ZNF273: variants seen among roughly 807,000 people sequenced by gnomAD.
ZNF273 encodes the protein zinc finger protein 9.
A neutral mutation model predicts 14.9 loss-of-function variants in ZNF273; 11 were observed. That is an observed-to-expected ratio of 0.74 (90% CI 0.46 to 1.22). ZNF273 has a LOEUF of 1.22. Among genes scored for constraint, ZNF273 ranks in the 50% most tolerant of loss-of-function variants. The pLI, the probability that ZNF273 is intolerant of heterozygous loss-of-function variation, is 0.00. For synonymous variants in ZNF273, 199 were observed against 223.9 expected (o/e 0.89, Z 0.99); for missense variants, 577 against 660.6 (o/e 0.87, Z 1.39).
upstream of ZNF273, among the ~76,000 whole-genome samples, chr7:64,901,011 T>TTA (rs1265395330): frequency 2.0e-5 from 3 of 152,008 alleles, no homozygotes; most frequent in East Asian, 1.9e-4. Context: ...TATTTATTTT[T>TTA]TTTTTTTTGT....
intron 3 of ZNF273, chr7:64,897,265 C>T (rs1024880662): frequency 1.3e-5 from 2 of 152,202 alleles, no homozygotes; most frequent in Non-Finnish European, 2.9e-5. Flanking sequence ...AGAACAACCA[C>T]TTCTCAGCAG....
intron 1 of ZNF273, among the ~76,000 whole-genome samples, chr7:64,916,671 G>T (rs1040242358): frequency 6.6e-6 from 1 of 152,114 alleles, no homozygotes; most frequent in Admixed American, 6.5e-5. Flanking sequence ...TTTTGCGAGG[G>T]GCAATATTGA....
At chr7:64,901,756 G>A (rs1272721500), upstream of ZNF273, among the ~76,000 whole-genome samples, 1 of 150,430 alleles carries the variant, frequency 6.6e-6, no homozygotes, top group East Asian at 2.0e-4. Context: ...TTCGAGACCA[G>A]CCTGACCAAC....
upstream of ZNF273, chr7:64,903,235 A>T: frequency 1.7e-6 from 2 of 1,151,228 alleles, no homozygotes. Flanking sequence ...ACGCAGCTGG[A>T]GCGGACAGGA....
Position 64,903,343 on chromosome 7 carries a change from C to T in ZNF273, c.26C>T (p.Pro9Leu), listed in dbSNP as rs1792861950. 2 of 1,613,356 alleles carry T rather than the reference C, an allele frequency of 1.2e-6. No individual in the cohort carries two copies. The highest frequency in any genetic ancestry group is 1.7e-6 in the Non-Finnish European group (2 of 1,179,462). Residue 9 changes from proline to leucine, a missense_variant, in exon 1 of 4, where the codon CCT (proline) becomes CTT (leucine). Pro to Leu is a moderately conservative substitution (Grantham distance 98, BLOSUM62 -3). This residue lies in a region of ZNF273 where 162 missense variants were observed against 203.5 expected (regional missense o/e 0.80). Coordinates refer to ENST00000476120, the MANE Select transcript of ZNF273 (RefSeq NM_021148.3). Reference protein sequence around the residue: MSSAPRGPPSVAPLPAGIG... With the variant: MSSAPRGPLSVAPLPAGIG... ...ATGTCCTCTGCTCCTAGAGGTCCAC[C>T]TTCTGTGGCCCCGTTACCTGCAGGT... is the stretch of plus-strand genomic sequence containing the variant.
downstream of ZNF273, among the ~76,000 whole-genome samples, chr7:64,883,214 A>AACCCCCCC (rs1554378895): frequency 1.6e-5 from 2 of 121,634 alleles, no homozygotes; most frequent in South Asian, 3.0e-4. Flanking sequence ...CCAAATCACC[A>AACCCCCCC]CCCCCCCCTC....
At chr7:64,883,211 A>ACCCCCCCCCCCCCCC (rs1234349552), downstream of ZNF273, among the ~76,000 whole-genome samples, 1 of 97,538 alleles carries the variant, frequency 1.0e-5, no homozygotes, top group Non-Finnish European at 2.2e-5. Context: ...AGCCCAAATC[A>ACCCCCCCCCCCCCCC]CCACCCCCCC....
upstream of ZNF273, chr7:64,903,258 T>C: frequency 7.1e-7 from 1 of 1,408,840 alleles, no homozygotes; most frequent in South Asian, 1.2e-5. Flanking sequence ...GCTTCCGGGA[T>C]TTGGCGGGGC....
intron 3 of ZNF273, among the ~76,000 whole-genome samples, chr7:64,921,152 C>A (rs182369072): frequency 3.9e-5 from 6 of 152,078 alleles, no homozygotes; most frequent in Admixed American, 6.5e-5. Flanking sequence ...GCAACCTCCA[C>A]TTCCTGGGTT....
At chr7:64,927,012 G>A (rs537322856) in intron 3 of ZNF273, among the ~76,000 whole-genome samples, 3 of 152,266 alleles carry the variant, frequency 2.0e-5, no homozygotes, top group African/African-American at 7.2e-5. Flanking sequence ...CCAGTGTCTG[G>A]AAAGGCCCCT....
chr7:64,885,444 T>C (rs10259713), intron 1 of ZNF273, among the ~76,000 whole-genome samples: 7,794 of 152,348 alleles, frequency 0.051, 231 homozygotes, highest in Middle Eastern at 0.085. Context: ...TGGTCACATT[T>C]GCTACTCATT....
chr7:64,936,419 C>T, the ZNF273 span, among the ~76,000 whole-genome samples: 1 of 152,116 alleles, frequency 6.6e-6, no homozygotes, highest in African/African-American at 2.4e-5. Context: ...ACAGAGATAC[C>T]AATTTCCCCT....
chr7:64,920,490 G>A (rs1232106049), intron 3 of ZNF273, among the ~76,000 whole-genome samples: 12 of 148,962 alleles, frequency 8.1e-5, no homozygotes, highest in African/African-American at 2.7e-4. Context: ...AGGTCTGTCC[G>A]CATGGCTATA....
At chr7:64,909,034 A>AAAGT (rs1338687180) in intron 1 of ZNF273, among the ~76,000 whole-genome samples, 1 of 151,800 alleles carries the variant, frequency 6.6e-6, no homozygotes, top group Non-Finnish European at 1.5e-5. Flanking sequence ...CTCAGCCCCC[A>AAAGT]AAGTAGCTGG....
intron 3 of ZNF273, among the ~76,000 whole-genome samples, chr7:64,926,811 T>C (rs1033533433): frequency 6.6e-6 from 1 of 152,212 alleles, no homozygotes; most frequent in African/African-American, 2.4e-5. Flanking sequence ...TGAAATTTTT[T>C]GGGTTTTTTA....
At chr7:64,922,604 G>A (rs1794551889) in intron 3 of ZNF273, among the ~76,000 whole-genome samples, 1 of 152,004 alleles carries the variant, frequency 6.6e-6, no homozygotes, top group African/African-American at 2.4e-5. Flanking sequence ...GAGCCACTGT[G>A]CCTGACTAGT....
At chr7:64,912,826 G>GTTTTTTGTTGTTGTTGT in intron 1 of ZNF273, among the ~76,000 whole-genome samples, 16 of 36,560 alleles carry the variant, frequency 4.4e-4, no homozygotes, top group East Asian at 2.5e-3. Flanking sequence ...ATTCATTTTA[G>GTTTTTTGTTGTTGTTGT]TTTTTTTTTT....
chr7:64,887,161 A>G (rs1226402241), intron 1 of ZNF273, among the ~76,000 whole-genome samples: 1 of 152,206 alleles, frequency 6.6e-6, no homozygotes, highest in Non-Finnish European at 1.5e-5. Context: ...GTGTGTGCAA[A>G]GCTAGGTCTA....
intron 3 of ZNF273, among the ~76,000 whole-genome samples, chr7:64,925,438 GTTTGTT>G (rs140065271): frequency 0.057 from 8,609 of 151,810 alleles, 731 homozygotes; most frequent in African/African-American, 0.19. Context: ...AAGTTTTTTT[GTTTGTT>G]TTTGTTTTTT....
Sources: gnomAD v4.1 joint callset for allele counts (sites outside exome capture counted in the v4.1 genomes callset) on GRCh38, gnomAD v4.1.1 for gene constraint, gnomAD v4.1.1 regional missense constraint, MANE v1.5 for transcripts, NCBI Gene and HGNC (gene_info 2026-07-23, HGNC 2026-07-21) for gene names.